Variants in RNGTT observed in about 807,000 individuals in gnomAD.
RNGTT encodes the protein RNA guanylyltransferase and 5'-phosphatase, also known as mRNA-capping enzyme.
A neutral mutation model predicts 79.3 loss-of-function variants in RNGTT; 33 were observed. That is an observed-to-expected ratio of 0.42 (90% CI 0.32 to 0.56). The LOEUF is 0.56. Ranked by LOEUF, RNGTT falls within the 20% of genes least tolerant of loss-of-function variation. The pLI, the probability that RNGTT is intolerant of heterozygous loss-of-function variation, is 0.17. For missense variants in RNGTT, 497 were observed against 739.1 expected, an observed-to-expected ratio of 0.67 and a Z score of 3.80; for synonymous variants, 222 against 235.9, an observed-to-expected ratio of 0.94 and a Z score of 0.54.
chr6:88,770,194 A>T (rs1778603657), intron 12 of RNGTT, among the ~76,000 whole-genome samples: 1 of 152,136 alleles, frequency 6.6e-6, no homozygotes, highest in Non-Finnish European at 1.5e-5. Context: ...TTATGGAGGG[A>T]TAATTTATAA....
intron 11 of RNGTT, among the ~76,000 whole-genome samples, chr6:88,830,056 C>T (rs1382040305): frequency 6.6e-6 from 1 of 152,154 alleles, no homozygotes; most frequent in Non-Finnish European, 1.5e-5. Flanking sequence ...TAGACATCTA[C>T]AGAACTCTCC....
intron 13 of RNGTT, among the ~76,000 whole-genome samples, chr6:88,749,362 G>C (rs1056132261): frequency 5.3e-5 from 8 of 151,924 alleles, no homozygotes; most frequent in African/African-American, 1.9e-4. Context: ...TCTTGGAAAA[G>C]TATAAATGTT....
chr6:88,784,164 T>C (rs1325506846), intron 12 of RNGTT, among the ~76,000 whole-genome samples: 1 of 151,944 alleles, frequency 6.6e-6, no homozygotes, highest in African/African-American at 2.4e-5. Flanking sequence ...TAAGGATGAG[T>C]TAAGTAGCTA....
intron 6 of RNGTT, among the ~76,000 whole-genome samples, chr6:88,902,992 C>A (rs1298136719): frequency 6.6e-6 from 1 of 151,906 alleles, no homozygotes; most frequent in East Asian, 1.9e-4. Flanking sequence ...CCGCACCTGG[C>A]CATGAAATCT....
At chr6:88,632,544 G>GACACAGAC (rs1772936479) in intron 14 of RNGTT, among the ~76,000 whole-genome samples, 1 of 132,968 alleles carries the variant, frequency 7.5e-6, no homozygotes, top group Non-Finnish European at 1.6e-5. Flanking sequence ...CAGACACACA[G>GACACAGAC]ACACACACAC....
chr6:88,915,562 A>G (rs1783973345), intron 4 of RNGTT, among the ~76,000 whole-genome samples: 1 of 152,202 alleles, frequency 6.6e-6, no homozygotes, highest in African/African-American at 2.4e-5. Context: ...CTGGAGCTAA[A>G]TTTTGGGTAC....
intron 14 of RNGTT, among the ~76,000 whole-genome samples, chr6:88,628,649 C>A (rs1315978558): frequency 3.9e-5 from 6 of 152,068 alleles, no homozygotes; most frequent in Non-Finnish European, 8.8e-5. Context: ...TTATTAACTA[C>A]CTGTGATGTA....
chr6:88,863,291 A>C (rs1026297446), intron 8 of RNGTT, among the ~76,000 whole-genome samples: 9 of 152,338 alleles, frequency 5.9e-5, no homozygotes, highest in African/African-American at 2.2e-4. Context: ...TGTCTTCTAC[A>C]TAAGCATAGC....
chr6:88,940,517 C>T (rs1784812232), intron 2 of RNGTT, among the ~76,000 whole-genome samples: 1 of 152,072 alleles, frequency 6.6e-6, no homozygotes, highest in South Asian at 2.1e-4. Flanking sequence ...GTTTCTTCAA[C>T]TGTAAACACA....
chr6:88,714,871 C>A lies in RNGTT; in HGVS notation c.1440-36452G>T, dbSNP rs530816764. Among the ~76,000 whole-genome samples, 12 of 152,222 alleles carry A rather than the reference C, an allele frequency of 7.9e-5. No individual in the cohort carries two copies. The East Asian group carries it at 2.3e-3, about 29-fold the overall frequency. ...CACAGCCAATATCATACTGAATGGG[C>A]AAAAACTGGAAGCATTCCCTTTGAA... On this transcript the variant is annotated intron_variant, in intron 13 of 15. Coordinates refer to ENST00000369485, the MANE Select transcript of RNGTT (RefSeq NM_003800.5).
intron 13 of RNGTT, among the ~76,000 whole-genome samples, chr6:88,764,947 C>A (rs1264186806): frequency 1.3e-5 from 2 of 152,058 alleles, no homozygotes; most frequent in Admixed American, 6.5e-5. Flanking sequence ...AATCCCAGCA[C>A]TTTGGGAGGC....
chr6:88,709,505 G>A (rs1375978353), intron 13 of RNGTT, among the ~76,000 whole-genome samples: 2 of 152,164 alleles, frequency 1.3e-5, no homozygotes, highest in Non-Finnish European at 2.9e-5. Context: ...AGATCATACA[G>A]ATCAGTGCTG....
chr6:88,710,494 T>C (rs1776281945), intron 13 of RNGTT, among the ~76,000 whole-genome samples: 1 of 152,216 alleles, frequency 6.6e-6, no homozygotes, highest in African/African-American at 2.4e-5. Context: ...CATTAGATTT[T>C]AACTGTCCTT....
At chr6:88,918,639 A>AT (rs1331944566) in intron 4 of RNGTT, among the ~76,000 whole-genome samples, 2 of 152,258 alleles carry the variant, frequency 1.3e-5, no homozygotes, top group African/African-American at 4.8e-5. Flanking sequence ...AACTGAAGAC[A>AT]TCACTTAGAA....
At chr6:88,801,543 C>G (rs774511427) in intron 12 of RNGTT, 21 bp downstream of exon 12, 4 of 1,597,678 alleles carry the variant, frequency 2.5e-6, no homozygotes, top group Non-Finnish European at 3.4e-6. Flanking sequence ...CGAACACACA[C>G]ACACAGACAA....
chr6:88,755,408 C>A (rs533611235), intron 13 of RNGTT, among the ~76,000 whole-genome samples: 1 of 151,852 alleles, frequency 6.6e-6, no homozygotes, highest in Admixed American at 6.6e-5. Context: ...CAAAAAAATT[C>A]TTGAAATAAA....
chr6:88,630,167 T>C (rs1772799757), intron 14 of RNGTT, among the ~76,000 whole-genome samples: 1 of 151,920 alleles, frequency 6.6e-6, no homozygotes, highest in Non-Finnish European at 1.5e-5. Context: ...GTTTTGGGGG[T>C]TTATTCAAAA....
chr6:88,951,684 C>T (rs1207966661), intron 1 of RNGTT, among the ~76,000 whole-genome samples: 1 of 152,140 alleles, frequency 6.6e-6, no homozygotes, highest in African/African-American at 2.4e-5. Flanking sequence ...AGGATTTAAT[C>T]TTACCTACAG....
intron 15 of RNGTT, among the ~76,000 whole-genome samples, chr6:88,613,912 T>C (rs1772124295): frequency 6.6e-6 from 1 of 152,256 alleles, no homozygotes. Flanking sequence ...TTTCCCCTGA[T>C]AATTTTGTCT....
Sources: gnomAD v4.1 joint callset for allele counts (sites outside exome capture counted in the v4.1 genomes callset) on GRCh38, gnomAD v4.1.1 for gene constraint, MANE v1.5 for transcripts, NCBI Gene and HGNC (gene_info 2026-07-23, HGNC 2026-07-21) for gene names.